The following SGCZ variants were observed in gnomAD, a reference collection of about 807,000 sequenced individuals.
The protein encoded by SGCZ is sarcoglycan zeta, also known as zeta-sarcoglycan.
A neutral mutation model predicts 41.3 loss-of-function variants in SGCZ; 40 were observed. The ratio of observed to expected loss-of-function variants is 0.97; its 90% CI spans 0.75 to 1.26. SGCZ has a LOEUF of 1.26. Among genes scored for constraint, SGCZ ranks in the 50% most tolerant of loss-of-function variants. The probability of loss-of-function intolerance (pLI) is 0.00; values close to 1 mark genes in which losing one functional copy is unlikely to be tolerated. For synonymous variants in SGCZ, 206 were observed against 137.5 expected (o/e 1.50, Z -3.49); for missense variants, 552 against 369.8 (o/e 1.49, Z -4.04).
At chr8:14,590,392 T>C (rs1396619184) in intron 1 of SGCZ, among the ~76,000 whole-genome samples, 1 of 151,890 alleles carries the variant, frequency 6.6e-6, no homozygotes, top group Non-Finnish European at 1.5e-5. Context: ...GGTATACATT[T>C]TAATTGGTCA....
intron 1 of SGCZ, among the ~76,000 whole-genome samples, chr8:14,621,371 G>T (rs1457278628): frequency 6.6e-6 from 1 of 151,498 alleles, no homozygotes; most frequent in Non-Finnish European, 1.5e-5. Context: ...CACCAACATG[G>T]CACATGTATA....
chr8:14,289,398 T>G (rs1352571737), intron 3 of SGCZ, among the ~76,000 whole-genome samples: 2 of 152,108 alleles, frequency 1.3e-5, no homozygotes, highest in Non-Finnish European at 2.9e-5. Flanking sequence ...AATTTTGTAG[T>G]GTTAGTTGTT....
chr8:14,339,425 T>C (rs1802622669), intron 2 of SGCZ, among the ~76,000 whole-genome samples: 1 of 152,238 alleles, frequency 6.6e-6, no homozygotes, highest in Admixed American at 6.5e-5. Context: ...AATTATGATG[T>C]TTAATGGGAT....
At chr8:14,831,146 A>G (rs1181405554) in intron 1 of SGCZ, among the ~76,000 whole-genome samples, 1 of 152,166 alleles carries the variant, frequency 6.6e-6, no homozygotes, top group Non-Finnish European at 1.5e-5. Flanking sequence ...GTATATGTCC[A>G]TGATGGAAAC....
At chr8:14,890,824 ATTACT>A (rs1028981397) in intron 1 of SGCZ, among the ~76,000 whole-genome samples, 6 of 152,152 alleles carry the variant, frequency 3.9e-5, no homozygotes, top group African/African-American at 1.4e-4. Flanking sequence ...CATGCAGCTG[ATTACT>A]TTAAGTTTTA....
intron 4 of SGCZ, among the ~76,000 whole-genome samples, chr8:14,230,971 C>T (rs896275791): frequency 9.9e-5 from 15 of 151,956 alleles, no homozygotes; most frequent in Non-Finnish European, 2.1e-4. Context: ...TTTATTTCAA[C>T]GTGGTAAATG....
chr8:14,583,378 T>G (rs935972131), intron 1 of SGCZ, among the ~76,000 whole-genome samples: 2 of 152,202 alleles, frequency 1.3e-5, no homozygotes, highest in South Asian at 2.1e-4. Flanking sequence ...TAAATTTGTT[T>G]GAGTTCATTG....
At chr8:15,023,838 C>A (rs149815501) in intron 1 of SGCZ, among the ~76,000 whole-genome samples, 306 of 152,210 alleles carry the variant, frequency 2.0e-3, no homozygotes, top group African/African-American at 7.1e-3. Flanking sequence ...AAGTGATCTA[C>A]CATTTTTCAA....
intron 2 of SGCZ, among the ~76,000 whole-genome samples, chr8:14,506,913 T>C (rs1416843584): frequency 1.3e-5 from 2 of 152,166 alleles, no homozygotes; most frequent in Admixed American, 1.3e-4. Context: ...CTTTAGACTT[T>C]GATGTTGACC....
intron 1 of SGCZ, among the ~76,000 whole-genome samples, chr8:14,914,481 A>G (rs1194411651): frequency 1.3e-5 from 2 of 152,058 alleles, no homozygotes; most frequent in African/African-American, 4.8e-5. Flanking sequence ...GTGGCCCACA[A>G]AGAAATACTA....
chr8:14,276,615 G>A (rs1004432856), intron 3 of SGCZ, among the ~76,000 whole-genome samples: 11 of 151,956 alleles, frequency 7.2e-5, no homozygotes, highest in African/African-American at 2.7e-4. Context: ...TTCTCACTTG[G>A]ACTGTTCTAA....
At chr8:14,880,722 A>C (rs1023938431) in intron 1 of SGCZ, among the ~76,000 whole-genome samples, 2 of 151,990 alleles carry the variant, frequency 1.3e-5, no homozygotes, top group Non-Finnish European at 2.9e-5. Flanking sequence ...CAAACACAAC[A>C]TGTTCTCACT....
At chr8:14,774,656 T>C (rs1223018874) in intron 1 of SGCZ, among the ~76,000 whole-genome samples, 2 of 152,182 alleles carry the variant, frequency 1.3e-5, no homozygotes, top group Admixed American at 1.3e-4. Flanking sequence ...GCCTCATGTG[T>C]TTTGGATCAC....
At chr8:14,421,945 C>A (rs990330729) in intron 2 of SGCZ, among the ~76,000 whole-genome samples, 2 of 152,000 alleles carry the variant, frequency 1.3e-5, no homozygotes, top group African/African-American at 2.4e-5. Context: ...TGGCTTTTAA[C>A]AAAGAAAATG....
chr8:14,411,182 T>C (rs765898493), intron 2 of SGCZ, among the ~76,000 whole-genome samples: 6 of 152,122 alleles, frequency 3.9e-5, no homozygotes, highest in Non-Finnish European at 7.4e-5. Flanking sequence ...TTTTCATTAA[T>C]AATATTTATA....
chr8:15,221,573 C>G (rs1450208901), intron 1 of SGCZ, among the ~76,000 whole-genome samples: 6 of 152,044 alleles, frequency 3.9e-5, no homozygotes, highest in Non-Finnish European at 7.4e-5. Flanking sequence ...GTGACACTGC[C>G]TTCCTAGGAT....
At chr8:14,221,138 G>A (rs762999782) in intron 4 of SGCZ, among the ~76,000 whole-genome samples, 1 of 152,104 alleles carries the variant, frequency 6.6e-6, no homozygotes, top group African/African-American at 2.4e-5. Flanking sequence ...TATTCAAAAT[G>A]TACATAAAAT....
chr8:14,367,757 C>T (rs556388592), intron 2 of SGCZ, among the ~76,000 whole-genome samples: 6 of 152,078 alleles, frequency 3.9e-5, no homozygotes, highest in African/African-American at 1.2e-4. Flanking sequence ...CAGTTACCAC[C>T]AGGTCTCTCC....
chr8:15,188,653 A>G (rs1470474603), intron 1 of SGCZ, among the ~76,000 whole-genome samples: 1 of 152,220 alleles, frequency 6.6e-6, no homozygotes, highest in Non-Finnish European at 1.5e-5. Context: ...ATTTGTACTT[A>G]GCAGAATTTA....
Sources: allele counts gnomAD v4.1 joint callset (sites outside exome capture counted in the v4.1 genomes callset), GRCh38; gene constraint gnomAD v4.1.1; transcripts MANE v1.5; gene names NCBI Gene and HGNC (gene_info 2026-07-23, HGNC 2026-07-21).